BRSK2: variants seen among roughly 807,000 people sequenced by gnomAD.
BRSK2 encodes the protein BR serine/threonine kinase 2.
In BRSK2, 19 loss-of-function variants were observed where a neutral mutation model predicts 83.3. The ratio of observed to expected loss-of-function variants is 0.23; its 90% CI spans 0.16 to 0.33. BRSK2 has a LOEUF of 0.33. Ranked by LOEUF, BRSK2 falls within the 10% of genes least tolerant of loss-of-function variation. The pLI is 1.00. For missense variants in BRSK2, 798 were observed against 1,042.3 expected (o/e 0.77, Z 3.23); for synonymous variants, 519 against 435.4 (o/e 1.19, Z -2.39).
chr11:1,451,271 G>A (rs775309054), intron 14 of BRSK2, 100 bp from the exon 15 acceptor site: 365 of 1,377,726 alleles, frequency 2.6e-4, no homozygotes, highest in Non-Finnish European at 2.5e-4. Flanking sequence ...GTGTGTGTGG[G>A]TGGACTCCTG....
Position 1,456,464 on chromosome 11 carries a change from C to T in BRSK2, c.1785C>T (p.Tyr595=). ...TCAAGTTCCAGGTTGATATCACCTA[C>T]ACGGAGGGTGGGGAGGCGCAGAAGG... The part of the protein sequence containing the change: ...KPVKFQVDIT[Y]TEGGEAQKEN... Residue 595 remains tyrosine, a synonymous_variant, in exon 17 of 20, where the codon TAC becomes TAT. Transcript: ENST00000528841. 3 of 1,582,722 alleles carry T rather than the reference C, an allele frequency of 1.9e-6. No individual in the cohort carries two copies. Among genetic ancestry groups the T allele is most frequent in the Non-Finnish European group, 2.6e-6 (3 of 1,163,300 alleles).
chr11:1,435,601 G>A (rs914620299), intron 1 of BRSK2, among the ~76,000 whole-genome samples: 1 of 147,190 alleles, frequency 6.8e-6, no homozygotes, highest in Admixed American at 6.7e-5. Context: ...GGTGTCGGTG[G>A]GGGTCTCGGC....
At chr11:1,460,042 T>C (rs919807419) in intron 19 of BRSK2, among the ~76,000 whole-genome samples, 3 of 144,462 alleles carry the variant, frequency 2.1e-5, no homozygotes, top group African/African-American at 7.6e-5. Flanking sequence ...CTTTACGCTG[T>C]CATCTCCGGC....
At chr11:1,460,030 G>A (rs1240997074) in intron 19 of BRSK2, among the ~76,000 whole-genome samples, 5 of 145,346 alleles carry the variant, frequency 3.4e-5, no homozygotes, top group Non-Finnish European at 6.0e-5. Context: ...GCAGGCCCTT[G>A]TCTTTACGCT....
intron 12 of BRSK2, among the ~76,000 whole-genome samples, chr11:1,446,128 GGCTGT>G (rs1564859442): frequency 6.9e-6 from 1 of 145,980 alleles, no homozygotes; most frequent in African/African-American, 2.6e-5. Context: ...AGCTGGGCTG[GGCTGT>G]GCTGGACTGG....
chr11:1,445,833 G>A lies in BRSK2; in HGVS notation c.1152G>A (p.Glu384=). ...GKRRPERKSM[E]VLSVTDGGSP... Reference sequence around the variant, plus strand: ...GGCGGCCAGAACGCAAATCCATGGAGGTGCTCAGCGTGACGGACGGCGGCT... The same window carrying A: ...GGCGGCCAGAACGCAAATCCATGGAAGTGCTCAGCGTGACGGACGGCGGCT... Residue 384 remains glutamate, a synonymous_variant, in exon 12 of 20, where the codon GAG becomes GAA. Transcript: ENST00000528841. 6.2e-7 allele frequency: 1 copy of A among 1,612,468 alleles called. No individual in the cohort carries two copies. The highest frequency in any genetic ancestry group is 8.5e-7 in the Non-Finnish European group (1 of 1,179,722).
chr11:1,394,683 T>C (rs1475692920), intron 1 of BRSK2, among the ~76,000 whole-genome samples: 8 of 85,648 alleles, frequency 9.3e-5, no homozygotes, highest in Admixed American at 3.7e-4. Context: ...TGGAGATGGG[T>C]CCTGGAGATG....
chr11:1,427,856 A>C (rs1849433892), intron 1 of BRSK2, among the ~76,000 whole-genome samples: 1 of 152,196 alleles, frequency 6.6e-6, no homozygotes, highest in Non-Finnish European at 1.5e-5. Context: ...GGCCTCTCAC[A>C]GCACACTCCC....
At chr11:1,407,885 C>A (rs980170461) in intron 1 of BRSK2, among the ~76,000 whole-genome samples, 1 of 152,190 alleles carries the variant, frequency 6.6e-6, no homozygotes, top group Non-Finnish European at 1.5e-5. Context: ...GCCCAGTGTG[C>A]CCTCAGATCC....
chr11:1,452,570 ACCC>A (rs1845928133), intron 15 of BRSK2, among the ~76,000 whole-genome samples: 1 of 151,380 alleles, frequency 6.6e-6, no homozygotes, highest in Admixed American at 6.6e-5. Flanking sequence ...GGAGGCCCTG[ACCC>A]CTCTCAAGGG....
Position 1,454,596 on chromosome 11 carries a change from C to T in BRSK2, c.1656C>T (p.His552=), listed in dbSNP as rs147039698. ...GCTCCATCAAGGCTGACATCGTGCA[C>T]GCCTTCCTGTCGGTGAGGCCACAGG... The part of the protein sequence containing the change: ...PLSSIKADIV[H]AFLSIPSLSH... The change falls in exon 16 of 20, where the codon CAC becomes CAT. Residue 552 remains histidine, a synonymous_variant. Coordinates refer to ENST00000528841, the MANE Select transcript of BRSK2 (RefSeq NM_001256627.2). This position sits in a 1 kb window ranked among gnomAD's most constrained non-coding sequence, Gnocchi z 5.2. The T allele has an allele frequency of 1.4e-3, 2,228 of 1,613,008 alleles. 9 individuals carry two copies. The highest frequency in any genetic ancestry group is 1.7e-3 in the Non-Finnish European group (1,954 of 1,179,912).
intron 1 of BRSK2, among the ~76,000 whole-genome samples, chr11:1,398,113 G>C (rs1846235626): frequency 6.6e-6 from 1 of 152,210 alleles, no homozygotes; most frequent in South Asian, 2.1e-4. Flanking sequence ...GCCTGGCCAG[G>C]AATGTCGCCT....
At chr11:1,450,877 G>T in intron 14 of BRSK2, 83 bp downstream of exon 14, 2 of 1,347,284 alleles carry the variant, frequency 1.5e-6, no homozygotes, top group South Asian at 2.9e-5. Flanking sequence ...GGCAGTGCCA[G>T]ACCAGTCCGA....
At chr11:1,456,287 C>T (rs925007230) in intron 16 of BRSK2, 61 bp from the exon 17 acceptor site, 116 of 1,472,214 alleles carry the variant, frequency 7.9e-5, no homozygotes, top group Non-Finnish European at 9.8e-5. Context: ...GGGCTGCCTC[C>T]CCAGAGGGCC....
chr11:1,443,429 G>GC, intron 7 of BRSK2, 26 bp downstream of exon 7: 1 of 1,586,760 alleles, frequency 6.3e-7, no homozygotes, highest in Non-Finnish European at 8.6e-7. Context: ...CCTCAACCCT[G>GC]CCCTGGCCTC....
At position 1,438,432 on chromosome 11, in the gene BRSK2, G is replaced by A. The variant is rs370134010; in HGVS notation, c.272+41G>A. 104 of 1,587,170 alleles carry A rather than the reference G, an allele frequency of 6.6e-5. No individual in the cohort carries two copies. The African/African-American group carries it at 1.2e-3, about 18-fold the overall frequency. ...TCTGAAGAGCTGGGGTGGCGGAGGT[G>A]GCAGCTGTCGCTGCAGGGGTGGGTG... On this transcript the variant is annotated intron_variant, in intron 3 of 19. Coordinates refer to ENST00000528841, the MANE Select transcript of BRSK2 (RefSeq NM_001256627.2). This position sits in a 1 kb window ranked among gnomAD's most constrained non-coding sequence, Gnocchi z 6.4.
intron 3 of BRSK2, among the ~76,000 whole-genome samples, chr11:1,439,057 C>G (rs959437597): frequency 1.3e-5 from 2 of 152,188 alleles, no homozygotes; most frequent in East Asian, 1.9e-4. Flanking sequence ...CAAGGGCTGT[C>G]TGGCCTTGAG....
chr11:1,461,382 C>A lies in BRSK2; in HGVS notation c.*659C>A. 1 of 286,764 alleles carries A rather than the reference C, an allele frequency of 3.5e-6. No homozygotes were observed. The highest frequency in any genetic ancestry group is 3.7e-5 in the South Asian group (1 of 27,012). 17.8% of individuals were successfully genotyped at this position (286,764 alleles called of 1,614,324 possible). ...CGCCTCCGTGTAGTCTTGGCCTCCTCAGGCTGCCTCCCGTCCTCTCGTCTC... is the reference window on the plus strand; with the variant it reads ...CGCCTCCGTGTAGTCTTGGCCTCCTAAGGCTGCCTCCCGTCCTCTCGTCTC... On this transcript the variant is annotated 3_prime_UTR_variant, in exon 20 of 20. Coordinates refer to ENST00000528841, the MANE Select transcript of BRSK2 (RefSeq NM_001256627.2).
chr11:1,421,465 C>T (rs567271263), intron 1 of BRSK2, among the ~76,000 whole-genome samples: 7 of 152,260 alleles, frequency 4.6e-5, no homozygotes, highest in African/African-American at 1.2e-4. Flanking sequence ...GGTTAGGAGG[C>T]GGGAGCCAGG....
Sources: allele counts gnomAD v4.1 joint callset (sites outside exome capture counted in the v4.1 genomes callset), GRCh38; gene constraint gnomAD v4.1.1; non-coding constraint Gnocchi (gnomAD v3.1); transcripts MANE v1.5; gene names NCBI Gene and HGNC (gene_info 2026-07-23, HGNC 2026-07-21).